The following AP3B1 variants were observed in gnomAD, a reference collection of about 807,000 sequenced individuals.
AP3B1 encodes adaptor related protein complex 3 subunit beta 1.
AP3B1 carries 61 observed loss-of-function variants against 132.5 expected under a neutral mutation model. The observed-to-expected ratio is 0.46, with a 90% CI of 0.37 to 0.57. The LOEUF (loss-of-function observed/expected upper bound fraction) is 0.57, where lower values mean the gene tolerates loss of function less well. Among genes scored for constraint, AP3B1 ranks in the 20% least tolerant of loss-of-function variants. The pLI is 0.00. For synonymous variants in AP3B1, 388 were observed against 438.3 expected (o/e 0.89, Z 1.43); for missense variants, 1,120 against 1,289.4 (o/e 0.87, Z 2.01).
intron 7 of AP3B1, among the ~76,000 whole-genome samples, chr5:78,193,732 G>GTGTATATATA (rs1340871803): frequency 3.1e-4 from 28 of 89,180 alleles, no homozygotes; most frequent in East Asian, 1.3e-3. Context: ...TTAAATATTT[G>GTGTATATATA]TATATATTTT....
intron 13 of AP3B1, among the ~76,000 whole-genome samples, chr5:78,161,954 G>A (rs1015846550): frequency 2.6e-5 from 4 of 151,914 alleles, no homozygotes; most frequent in Admixed American, 2.0e-4. Context: ...CAATTTTGTT[G>A]TTTTACCTCA....
chr5:78,207,195 T>C (rs554867198), intron 7 of AP3B1, among the ~76,000 whole-genome samples: 4 of 150,554 alleles, frequency 2.7e-5, no homozygotes, highest in African/African-American at 4.9e-5. Context: ...GAGGCGGAGA[T>C]TGCAGTGAGC....
chr5:78,099,983 T>C (rs530697106), intron 21 of AP3B1, among the ~76,000 whole-genome samples: 1 of 152,258 alleles, frequency 6.6e-6, no homozygotes, highest in Non-Finnish European at 1.5e-5. Context: ...TACCTATTTA[T>C]ATTCCTATCA....
At chr5:78,245,761 A>G (rs762449926) in intron 2 of AP3B1, among the ~76,000 whole-genome samples, 2 of 152,132 alleles carry the variant, frequency 1.3e-5, no homozygotes, top group African/African-American at 2.4e-5. Flanking sequence ...CAGAACAAGG[A>G]GCATAGGAAT....
chr5:78,265,139 A>G (rs1748265052), intron 2 of AP3B1, among the ~76,000 whole-genome samples: 1 of 152,184 alleles, frequency 6.6e-6, no homozygotes, highest in African/African-American at 2.4e-5. Context: ...ACGTTGGAAA[A>G]ATTGAAAATT....
intron 7 of AP3B1, among the ~76,000 whole-genome samples, chr5:78,190,541 C>T (rs1744784271): frequency 6.6e-6 from 1 of 152,166 alleles, no homozygotes; most frequent in Non-Finnish European, 1.5e-5. Context: ...TTAGTCCAAA[C>T]AGAATGGATA....
chr5:78,092,001 T>C (rs1451948765), intron 21 of AP3B1, among the ~76,000 whole-genome samples: 2 of 152,206 alleles, frequency 1.3e-5, no homozygotes, highest in Non-Finnish European at 2.9e-5. Context: ...AAGTGAATGG[T>C]AGAACCACTA....
chr5:78,009,742 A>C (rs1038360164), intron 26 of AP3B1, among the ~76,000 whole-genome samples: 2 of 150,136 alleles, frequency 1.3e-5, no homozygotes, highest in African/African-American at 4.9e-5. Context: ...GTGACAGGAT[A>C]AACAAAATCC....
chr5:78,206,942 C>T (rs1176452172), intron 7 of AP3B1, among the ~76,000 whole-genome samples: 3 of 151,676 alleles, frequency 2.0e-5, no homozygotes, highest in African/African-American at 7.3e-5. Flanking sequence ...GCCAACATGG[C>T]GAAATCCTGT....
At chr5:78,175,481 T>C (rs771743674) in intron 11 of AP3B1, 145 bp downstream of exon 11, 44 of 665,076 alleles carry the variant, frequency 6.6e-5, no homozygotes, top group South Asian at 2.4e-4. Flanking sequence ...TATAATAATA[T>C]AGATTGAAAA....
At chr5:78,199,062 A>C (rs1019239328) in intron 7 of AP3B1, among the ~76,000 whole-genome samples, 2 of 152,312 alleles carry the variant, frequency 1.3e-5, no homozygotes, top group South Asian at 2.1e-4. Context: ...CACAGGTGGA[A>C]GTGTGGGTTT....
chr5:78,039,171 A>C lies in AP3B1; in HGVS notation c.2681T>G (p.Ile894Ser). 6.2e-7 allele frequency: 1 copy of C among 1,614,024 alleles called. No homozygotes were observed. Among genetic ancestry groups the C allele is most frequent in the Non-Finnish European group, 8.5e-7 (1 of 1,179,880 alleles). The part of the protein sequence containing the change: ...AHYFFPRQPC[I>S]FGDKMVSIQI... Reference sequence around the variant, plus strand: ...TATAGAGACCATCTTATCACCAAAAATGCAAGGCTGTCTTGGAAAGAAATA... The same window carrying C: ...TATAGAGACCATCTTATCACCAAAACTGCAAGGCTGTCTTGGAAAGAAATA... The change falls in exon 23 of 27, where the codon ATT becomes AGT. Residue 894 changes from isoleucine to serine, a missense_variant. This residue lies in a region of AP3B1 where 906 missense variants were observed against 997.1 expected (regional missense o/e 0.91). Coordinates refer to ENST00000255194, the MANE Select transcript of AP3B1 (RefSeq NM_003664.5).
At chr5:78,161,907 C>G (rs1373588362) in intron 13 of AP3B1, among the ~76,000 whole-genome samples, 1 of 151,878 alleles carries the variant, frequency 6.6e-6, no homozygotes, top group Admixed American at 6.6e-5. Flanking sequence ...TTATAGGATT[C>G]TTGTACTAAA....
intron 22 of AP3B1, chr5:78,041,986 G>A (rs369783032): frequency 1.5e-5 from 3 of 194,184 alleles, no homozygotes; most frequent in South Asian, 2.3e-4. Context: ...GGGCTTGGCT[G>A]TATATACTAA....
intron 22 of AP3B1, among the ~76,000 whole-genome samples, chr5:78,062,451 C>T (rs917269531): frequency 1.3e-5 from 2 of 152,164 alleles, no homozygotes; most frequent in African/African-American, 2.4e-5. Context: ...AAATTACTAA[C>T]ACTTTATCTA....
intron 2 of AP3B1, among the ~76,000 whole-genome samples, chr5:78,244,821 C>T (rs1747304769): frequency 6.6e-6 from 1 of 152,090 alleles, no homozygotes. Context: ...ATGCTGAAAT[C>T]CTGTCTCTAC....
intron 2 of AP3B1, among the ~76,000 whole-genome samples, chr5:78,259,933 G>A (rs965443128): frequency 1.3e-4 from 19 of 151,806 alleles, no homozygotes; most frequent in African/African-American, 4.6e-4. Context: ...TTGTGCCATT[G>A]CACTCCAGCC....
At chr5:78,135,104 C>T (rs932284576) in intron 15 of AP3B1, among the ~76,000 whole-genome samples, 2 of 152,100 alleles carry the variant, frequency 1.3e-5, no homozygotes, top group African/African-American at 4.8e-5. Flanking sequence ...CTCCAAAGAC[C>T]TGAATCACGG....
intron 13 of AP3B1, among the ~76,000 whole-genome samples, chr5:78,161,939 G>A (rs1258380198): frequency 6.6e-6 from 1 of 151,910 alleles, no homozygotes; most frequent in Non-Finnish European, 1.5e-5. Flanking sequence ...CAAATAAAAT[G>A]TAATCAATTT....
Sources: gnomAD v4.1 joint callset for allele counts (sites outside exome capture counted in the v4.1 genomes callset) on GRCh38, gnomAD v4.1.1 for gene constraint, gnomAD v4.1.1 regional missense constraint, MANE v1.5 for transcripts, NCBI Gene and HGNC (gene_info 2026-07-23, HGNC 2026-07-21) for gene names.